The following KCNQ1 variants were observed in gnomAD, a reference collection of about 807,000 sequenced individuals.
KCNQ1 encodes the protein potassium voltage-gated channel subfamily KQT member 1.
In KCNQ1, 49 loss-of-function variants were observed where a neutral mutation model predicts 72.4. The ratio of observed to expected loss-of-function variants is 0.68; its 90% CI spans 0.54 to 0.86. The LOEUF is 0.86. Ranked by LOEUF, KCNQ1 falls within the 40% of genes least tolerant of loss-of-function variation. KCNQ1 has a pLI of 0.00. For missense variants in KCNQ1, 790 were observed against 945.1 expected, an observed-to-expected ratio of 0.84 and a Z score of 2.15; for synonymous variants, 450 against 412.6, an observed-to-expected ratio of 1.09 and a Z score of -1.10.
Position 2,468,941 on chromosome 11 carries a change from C to T in KCNQ1, c.386+23457C>T, listed in dbSNP as rs1045864271. Among the ~76,000 whole-genome samples the T allele has an allele frequency of 2.2e-4, 34 of 152,148 alleles. No individual in the cohort carries two copies. Among genetic ancestry groups the T allele is most frequent in the African/African-American group, 6.8e-4 (28 of 41,440 alleles). On this transcript the variant is annotated intron_variant, in intron 1 of 15. Coordinates refer to ENST00000155840, the MANE Select transcript of KCNQ1 (RefSeq NM_000218.3). The surrounding 1 kb of genome is among the most constrained non-coding windows in gnomAD (Gnocchi z 5.7). ...CTCTGCAGCCCGCTGGGAAGTGGAA[C>T]GGCTGTGTCATGGGGTGGGTGAGGG...
intron 11 of KCNQ1, among the ~76,000 whole-genome samples, chr11:2,731,937 CAGAGA>C (rs1331241974): frequency 6.6e-6 from 1 of 152,254 alleles, no homozygotes; most frequent in Non-Finnish European, 1.5e-5. Flanking sequence ...CTGTCTCCTG[CAGAGA>C]GGAGAGGAGA....
chr11:2,625,557 C>G lies in KCNQ1; in HGVS notation c.1394-36404C>G, dbSNP rs7103309. 10 of 397,048 alleles carry G rather than the reference C, an allele frequency of 2.5e-5. No individual in the cohort carries two copies. The East Asian group carries it at 3.6e-4, about 14-fold the overall frequency. The allele number at this position is 397,048 out of a possible 1,614,324, so 24.6% of individuals were successfully genotyped here. A position where few individuals can be genotyped will look rare whatever the true frequency, so the allele number is the denominator to read the frequency against. On this transcript the variant is annotated intron_variant, in intron 10 of 15. Transcript: ENST00000155840. The stretch of plus-strand genomic sequence containing the variant: ...CATTTGTATATCTTCTTTGGAGATA[C>G]GTCTGTCCAAGTCCTTTGCCCTTTT...
rs1001234711 is a variant in KCNQ1, at chr11:2,759,042, G to A, written c.1515-9802G>A. On this transcript the variant is annotated intron_variant, in intron 11 of 15. Coordinates refer to ENST00000155840, the MANE Select transcript of KCNQ1 (RefSeq NM_000218.3). The surrounding 1 kb of genome is among the most constrained non-coding windows in gnomAD (Gnocchi z 4.4). ...AATGTCAATCTCCTGGCGTTGATCT[G>A]TTACTCCACCCATGCAAGGTGTGAC... 6.6e-6 allele frequency among the ~76,000 whole-genome samples: 1 copy of A among 151,962 alleles called. No individual in the cohort carries two copies. The highest frequency in any genetic ancestry group is 1.5e-5 in the Non-Finnish European group (1 of 68,018).
intron 11 of KCNQ1, among the ~76,000 whole-genome samples, chr11:2,709,758 C>T (rs1850975074): frequency 6.6e-6 from 1 of 152,204 alleles, no homozygotes; most frequent in Admixed American, 6.5e-5. Context: ...TTGTGGCTGA[C>T]TTCTTTCACT....
At chr11:2,758,291 T>C (rs1846336135) in intron 11 of KCNQ1, among the ~76,000 whole-genome samples, 1 of 152,132 alleles carries the variant, frequency 6.6e-6, no homozygotes, top group Admixed American at 6.5e-5. Context: ...AGGGAAGAAG[T>C]ACACCAAAAG....
chr11:2,688,137 G>A, intron 11 of KCNQ1: 1 of 398,810 alleles, frequency 2.5e-6, no homozygotes, highest in Non-Finnish European at 4.4e-6. Flanking sequence ...GGCTGAGGTG[G>A]AGAGACCCCA....
At chr11:2,639,211 A>C (rs1383221429) in intron 10 of KCNQ1, 1 of 151,880 alleles carries the variant, frequency 6.6e-6, no homozygotes, top group East Asian at 1.9e-4. Flanking sequence ...TCCTCTCTCA[A>C]CTTGTCAAAG....
chr11:2,650,422 G>T, intron 10 of KCNQ1: 1 of 398,538 alleles, frequency 2.5e-6, no homozygotes. Flanking sequence ...GACTTTTCCT[G>T]TACACGCGTC....
At chr11:2,760,681 C>G (rs1451533491) in intron 11 of KCNQ1, among the ~76,000 whole-genome samples, 1 of 152,222 alleles carries the variant, frequency 6.6e-6, no homozygotes, top group Admixed American at 6.5e-5. Context: ...GGGGTCACTT[C>G]CTTCACGGCC....
chr11:2,616,474 G>T, intron 10 of KCNQ1: 1 of 397,698 alleles, frequency 2.5e-6, no homozygotes, highest in Non-Finnish European at 4.4e-6. Context: ...GTTACGTAAG[G>T]TATAATATTA....
At chr11:2,656,398 C>T in intron 10 of KCNQ1, 3 of 398,646 alleles carry the variant, frequency 7.5e-6, no homozygotes, top group East Asian at 3.6e-5. Flanking sequence ...ATGTCATGGG[C>T]ACAGAGCCCT....
intron 11 of KCNQ1, among the ~76,000 whole-genome samples, chr11:2,718,506 G>T (rs985462828): frequency 6.6e-6 from 1 of 152,214 alleles, no homozygotes; most frequent in East Asian, 1.9e-4. Flanking sequence ...CCAGGAATTG[G>T]CTTCCAGTGG....
chr11:2,785,641 A>C lies in KCNQ1; in HGVS notation c.1794+7604A>C, dbSNP rs944238559. 6.7e-6 allele frequency among the ~76,000 whole-genome samples: 1 copy of C among 149,946 alleles called. No individual in the cohort carries two copies. The highest frequency in any genetic ancestry group is 1.5e-5 in the Non-Finnish European group (1 of 67,430). ...TATTTAATACATTTATATTTAATAT[A>C]ATTTCTAATAGATTTGGATTGAATT... On this transcript the variant is annotated intron_variant, in intron 15 of 15. Coordinates refer to ENST00000155840, the MANE Select transcript of KCNQ1 (RefSeq NM_000218.3). This position sits in a 1 kb window ranked among gnomAD's most constrained non-coding sequence, Gnocchi z 4.4.
rs923192309 is a variant in KCNQ1, at chr11:2,674,396, C to CGT, written c.1514+12325_1514+12326dup. On this transcript the variant is annotated intron_variant, in intron 11 of 15. Transcript: ENST00000155840. The surrounding 1 kb of genome is among the most constrained non-coding windows in gnomAD (Gnocchi z 5.9). The stretch of plus-strand genomic sequence containing the variant: ...CCTGCTTAGGGAAGGTGCATGCGTG[C>CGT]GTGTGTGTGTGCGCGCCCGCGCGCA... 106 of 148,440 alleles carry CGT rather than the reference C, an allele frequency of 7.1e-4. No homozygotes were observed. Among genetic ancestry groups the CGT allele is most frequent in the Non-Finnish European group, 1.4e-3 (95 of 68,268 alleles). The allele number at this position is 148,440 out of a possible 1,614,324, so 9.2% of individuals were successfully genotyped here. A position where few individuals can be genotyped will look rare whatever the true frequency, so the allele number is the denominator to read the frequency against.
At position 2,670,579 on chromosome 11, in the gene KCNQ1, A is replaced by ATTC. The variant is rs2133867728; in HGVS notation, c.1514+8498_1514+8499insTTC. 1 of 398,340 alleles carries ATTC rather than the reference A, an allele frequency of 2.5e-6. No individual in the cohort carries two copies. The allele number at this position is 398,340 out of a possible 1,614,324, so 24.7% of individuals were successfully genotyped here. ...CAGTATCACTGGGAGATAGGAGCAG[A>ATTC]AGCCAGGGCTCATTCCCAGACACAC... On this transcript the variant is annotated intron_variant, in intron 11 of 15. Transcript: ENST00000155840. The surrounding 1 kb of genome is among the most constrained non-coding windows in gnomAD (Gnocchi z 4.9).
chr11:2,666,723 C>G (rs1411910792), intron 11 of KCNQ1: 1 of 398,656 alleles, frequency 2.5e-6, no homozygotes, highest in Non-Finnish European at 4.4e-6. Flanking sequence ...GTGACCTACT[C>G]CCACAGACCC....
chr11:2,802,634 G>A (rs1367274922), intron 15 of KCNQ1, among the ~76,000 whole-genome samples: 2 of 152,184 alleles, frequency 1.3e-5, no homozygotes, highest in African/African-American at 4.8e-5. Flanking sequence ...AAGGCTTAGT[G>A]GCAAGAGGCC....
In KCNQ1 at chr11:2,495,936, G is replaced by A. The variant is rs987535266; in HGVS notation, c.387-31992G>A. Among the ~76,000 whole-genome samples, 1 of 152,192 alleles carries A rather than the reference G, an allele frequency of 6.6e-6. No homozygotes were observed. Among genetic ancestry groups the A allele is most frequent in the East Asian group, 1.9e-4 (1 of 5,194 alleles). Reference sequence around the variant, plus strand: ...TGATCTGTCTAATATTGACAGTGGAGTGTTAAAGTCTCGCACTGTTATTGA... The same window carrying A: ...TGATCTGTCTAATATTGACAGTGGAATGTTAAAGTCTCGCACTGTTATTGA... On this transcript the variant is annotated intron_variant, in intron 1 of 15. Transcript: ENST00000155840. The surrounding 1 kb of genome is among the most constrained non-coding windows in gnomAD (Gnocchi z 4.6).
chr11:2,451,469 G>A lies in KCNQ1; in HGVS notation c.386+5985G>A, dbSNP rs1472852428. 2.6e-5 allele frequency among the ~76,000 whole-genome samples: 4 copies of A among 152,228 alleles called. No homozygotes were observed. Among genetic ancestry groups the A allele is most frequent in the African/African-American group, 9.6e-5 (4 of 41,460 alleles). On this transcript the variant is annotated intron_variant, in intron 1 of 15. Coordinates refer to ENST00000155840, the MANE Select transcript of KCNQ1 (RefSeq NM_000218.3). This position sits in a 1 kb window ranked among gnomAD's most constrained non-coding sequence, Gnocchi z 6.4. ...GGAGAACCCTGTCTTAGAGGATTGA[G>A]GCTCGGGGCCATGGGATCGGCACTG...
Sources: allele counts gnomAD v4.1 joint callset (sites outside exome capture counted in the v4.1 genomes callset), GRCh38; gene constraint gnomAD v4.1.1; non-coding constraint Gnocchi (gnomAD v3.1); transcripts MANE v1.5; gene names NCBI Gene and HGNC (gene_info 2026-07-23, HGNC 2026-07-21).